Variants in GPLD1 observed in about 807,000 individuals in gnomAD.
GPLD1 encodes the protein glycosylphosphatidylinositol specific phospholipase D1.
Under a neutral mutation model 112.6 loss-of-function variants are expected in GPLD1, and 84 were observed. That is an observed-to-expected ratio of 0.75 (90% CI 0.63 to 0.89). The LOEUF (loss-of-function observed/expected upper bound fraction) is 0.89, where lower values mean the gene tolerates loss of function less well. GPLD1 is among the 40% of genes least tolerant of loss of function. GPLD1 has a pLI of 0.00. For synonymous variants in GPLD1, 386 were observed against 403.8 expected (o/e 0.96, Z 0.53); for missense variants, 1,044 against 1,051.5 (o/e 0.99, Z 0.10).
At chr6:24,483,047 G>A (rs76175369) in intron 2 of GPLD1, among the ~76,000 whole-genome samples, 5,059 of 152,188 alleles carry the variant, frequency 0.033, 124 homozygotes, top group South Asian at 0.094. Flanking sequence ...ATACAGAAAG[G>A]CTGCACGCAG....
Position 24,427,322 on chromosome 6 carries a change from C to T in GPLD1, c.*1710G>A, listed in dbSNP as rs918259789. 1.3e-5 allele frequency among the ~76,000 whole-genome samples: 2 copies of T among 152,174 alleles called. No homozygotes were observed. Among genetic ancestry groups the T allele is most frequent in the Admixed American group, 6.5e-5 (1 of 15,276 alleles). ...CTTTCCTCTCCGGCCCTTACAGTAG[C>T]GTGTGGCTCAGGCCACATCTTTTCC... On this transcript the variant is annotated 3_prime_UTR_variant, in exon 25 of 25. Transcript: ENST00000230036.
intron 22 of GPLD1, 99 bp downstream of exon 22, chr6:24,436,477 T>C (rs1000314887): frequency 6.0e-6 from 6 of 1,006,082 alleles, no homozygotes; most frequent in Admixed American, 3.7e-5. Context: ...CTAGGAGGTA[T>C]GAATTCAGGT....
At chr6:24,454,330 G>A in intron 13 of GPLD1, 129 bp from the exon 14 acceptor site, 1 of 536,640 alleles carries the variant, frequency 1.9e-6, no homozygotes, top group Non-Finnish European at 3.2e-6. Context: ...CTGCGTGACT[G>A]TTGTGAATAT....
chr6:24,437,401 C>A, intron 20 of GPLD1, 112 bp from the exon 21 acceptor site: 1 of 1,030,006 alleles, frequency 9.7e-7, no homozygotes, highest in East Asian at 2.5e-5. Context: ...ACAGGACAGT[C>A]GGTTTCGGAG....
chr6:24,469,805 G>A (rs1165785990), intron 7 of GPLD1, among the ~76,000 whole-genome samples: 3 of 151,686 alleles, frequency 2.0e-5, no homozygotes, highest in Non-Finnish European at 4.4e-5. Flanking sequence ...GAATAAACAA[G>A]ATAAAAAATC....
chr6:24,489,157 C>A (rs1358144126), intron 1 of GPLD1, among the ~76,000 whole-genome samples: 2 of 152,198 alleles, frequency 1.3e-5, no homozygotes, highest in Non-Finnish European at 2.9e-5. Context: ...TATTTCCCCA[C>A]CCAGAGAAAC....
At chr6:24,442,666 G>C (rs983671357) in intron 20 of GPLD1, among the ~76,000 whole-genome samples, 4 of 151,530 alleles carry the variant, frequency 2.6e-5, no homozygotes, top group Non-Finnish European at 5.9e-5. Context: ...GGATGGTCTC[G>C]ATCACCTGAC....
chr6:24,473,033 C>G (rs1382369335), intron 6 of GPLD1: 1 of 153,714 alleles, frequency 6.5e-6, no homozygotes, highest in African/African-American at 2.4e-5. Flanking sequence ...GCCTTGGCCT[C>G]CCAAAGTGCT....
intron 7 of GPLD1, among the ~76,000 whole-genome samples, chr6:24,468,643 T>C (rs1463352713): frequency 1.3e-5 from 2 of 151,900 alleles, no homozygotes; most frequent in Non-Finnish European, 2.9e-5. Context: ...AACCTCCGCC[T>C]TCCAAGTTCA....
At chr6:24,449,067 A>G (rs1355884743) in intron 15 of GPLD1, among the ~76,000 whole-genome samples, 1 of 151,944 alleles carries the variant, frequency 6.6e-6, no homozygotes, top group East Asian at 1.9e-4. Context: ...GGAGTTAGGT[A>G]ATAGTTTCTG....
In GPLD1 at chr6:24,445,825, G is replaced by C. The variant is rs772344726; in HGVS notation, c.1827C>G (p.Gly609=). The C allele has an allele frequency of 1.5e-5, 24 of 1,610,224 alleles. No homozygotes were observed. In the East Asian group the frequency reaches 5.3e-4, roughly 36 times the overall value. Residue 609 remains glycine, a synonymous_variant, in exon 19 of 25, where the codon GGC becomes GGG. Coordinates refer to ENST00000230036, the MANE Select transcript of GPLD1 (RefSeq NM_001503.4). ...TCTCATCTCGGATGTGTAACAAATG[G>C]CCCAGCCTAGAATGAAGCACACTGG... ...SPTWKNASRL[G]HLLHIRDEKK...
intron 20 of GPLD1, among the ~76,000 whole-genome samples, chr6:24,443,350 A>C (rs9467164): frequency 0.07 from 10,648 of 152,184 alleles, 881 homozygotes; most frequent in African/African-American, 0.2. Context: ...CAGCTGCTTA[A>C]TTGATCACAG....
chr6:24,460,593 A>C (rs1049091225), intron 11 of GPLD1, among the ~76,000 whole-genome samples, 194 bp from the exon 12 acceptor site: 17 of 152,222 alleles, frequency 1.1e-4, no homozygotes, highest in Admixed American at 3.3e-4. Flanking sequence ...CACATTTCTA[A>C]GGCTTAAAAG....
chr6:24,475,226 T>C lies in GPLD1; in HGVS notation c.336A>G (p.Thr112=), dbSNP rs1456299200. 1 of 1,577,900 alleles carries C rather than the reference T, an allele frequency of 6.3e-7. No homozygotes were observed. Among genetic ancestry groups the C allele is most frequent in the Non-Finnish European group, 8.7e-7 (1 of 1,146,998 alleles). ...CAAACAAGAAAGCTACCAGTTTCTC[T>C]GTGTCCTGCCAAACAAGCAAATTAG... The part of the protein sequence containing the change: ...ENYPLPWEKD[T]EKLVAFLFGI... The change falls in exon 5 of 25, where the codon ACA becomes ACG. Residue 112 remains threonine, a synonymous_variant. Transcript: ENST00000230036.
chr6:24,429,238 C>T (rs914240634), intron 24 of GPLD1, 120 bp from the exon 25 acceptor site: 20 of 541,504 alleles, frequency 3.7e-5, no homozygotes, highest in African/African-American at 2.9e-4. Flanking sequence ...CTGGCCAGAT[C>T]CCCTGGCTTG....
chr6:24,462,304 G>A (rs571974588), intron 11 of GPLD1, among the ~76,000 whole-genome samples: 12 of 151,872 alleles, frequency 7.9e-5, no homozygotes, highest in African/African-American at 2.4e-4. Context: ...GGCTAATTTT[G>A]TTCATTTTTT....
intron 2 of GPLD1, 151 bp downstream of exon 2, chr6:24,485,924 C>T: frequency 1.9e-6 from 1 of 532,308 alleles, no homozygotes; most frequent in East Asian, 2.9e-5. Context: ...CTGCCTCAGC[C>T]TCCCAAAGTG....
chr6:24,490,173 T>C (rs1165320295), upstream of GPLD1, among the ~76,000 whole-genome samples: 1 of 152,176 alleles, frequency 6.6e-6, no homozygotes, highest in Non-Finnish European at 1.5e-5. Flanking sequence ...CAAGGTCAGA[T>C]TCCTGCAGCT....
intron 6 of GPLD1, 129 bp from the exon 7 acceptor site, chr6:24,472,765 T>C (rs1763866025): frequency 1.5e-6 from 1 of 645,308 alleles, no homozygotes; most frequent in East Asian, 2.8e-5. Flanking sequence ...TTCATTGTTT[T>C]AGGTAAAGGC....
Sources: allele counts gnomAD v4.1 joint callset (sites outside exome capture counted in the v4.1 genomes callset), GRCh38; gene constraint gnomAD v4.1.1; transcripts MANE v1.5; gene names NCBI Gene and HGNC (gene_info 2026-07-23, HGNC 2026-07-21).